The following AHNAK variants were observed in gnomAD, a reference collection of about 807,000 sequenced individuals.
AHNAK encodes AHNAK nucleoprotein, also known as neuroblast differentiation-associated protein AHNAK.
AHNAK carries 23 observed loss-of-function variants against 37.8 expected under a neutral mutation model. That is an observed-to-expected ratio of 0.61 (90% CI 0.44 to 0.86). The LOEUF is 0.86. Among genes scored for constraint, AHNAK ranks in the 40% least tolerant of loss-of-function variants. The pLI, the probability that AHNAK is intolerant of heterozygous loss-of-function variation, is 0.00. For missense variants in AHNAK, 7,411 were observed against 7,319.4 expected (o/e 1.01, Z -0.46); for synonymous variants, 2,481 against 2,636.3 (o/e 0.94, Z 1.80).
intron 1 of AHNAK, among the ~76,000 whole-genome samples, chr11:62,538,820 TA>T (rs1223624101): frequency 6.6e-6 from 1 of 152,230 alleles, no homozygotes; most frequent in Non-Finnish European, 1.5e-5. Context: ...GGGAGCCTTC[TA>T]GGGGAAATGA....
intron 4 of AHNAK, among the ~76,000 whole-genome samples, chr11:62,500,237 G>T (rs958566276): frequency 6.6e-6 from 1 of 152,112 alleles, no homozygotes; most frequent in Non-Finnish European, 1.5e-5. Flanking sequence ...CGTAGTAAAC[G>T]CAAAGGAATG....
At position 62,531,063 on chromosome 11, in the gene AHNAK, T is replaced by C. The variant is rs777121562; in HGVS notation, c.3354A>G (p.Gln1118=). The C allele has an allele frequency of 6.2e-7, 1 of 1,613,464 alleles. No individual in the cohort carries two copies. The highest frequency in any genetic ancestry group is 1.1e-5 in the South Asian group (1 of 91,042). ...VDIKAPDVEG[Q]GLDWSLKIPK... ...GTATTTTCAGGCTCCAGTCCAGGCCTTGGCCTTCCACATCTGGTGCTTTAA... is the reference window on the plus strand; with the variant it reads ...GTATTTTCAGGCTCCAGTCCAGGCCCTGGCCTTCCACATCTGGTGCTTTAA... The change falls in exon 5 of 5, where the codon CAA becomes CAG. Residue 1118 remains glutamine, a synonymous_variant. Coordinates refer to ENST00000378024, the MANE Select transcript of AHNAK (RefSeq NM_001620.3).
At position 62,516,577 on chromosome 11, in the gene AHNAK, A is replaced by T. The variant is rs1940024464; in HGVS notation, c.*167T>A. ...CTTTACCTATCTGTATAGTTCCAGGAGCCTACAGGCGGTCGGTTTTTCAGC... is the reference window on the plus strand; with the variant it reads ...CTTTACCTATCTGTATAGTTCCAGGTGCCTACAGGCGGTCGGTTTTTCAGC... On this transcript the variant is annotated 3_prime_UTR_variant, in exon 5 of 5. Coordinates refer to ENST00000378024, the MANE Select transcript of AHNAK (RefSeq NM_001620.3). The T allele has an allele frequency of 6.8e-7, 1 of 1,464,964 alleles. No individual in the cohort carries two copies. The highest frequency in any genetic ancestry group is 8.9e-7 in the Non-Finnish European group (1 of 1,119,408). 90.7% of individuals were successfully genotyped at this position (1,464,964 alleles called of 1,614,324 possible). A position where few individuals can be genotyped will look rare whatever the true frequency, so the allele number is the denominator to read the frequency against.
At chr11:62,504,708 G>C (rs1939777036) in intron 4 of AHNAK, among the ~76,000 whole-genome samples, 1 of 152,036 alleles carries the variant, frequency 6.6e-6, no homozygotes, top group South Asian at 2.1e-4. Flanking sequence ...CACCTGGCTG[G>C]GGCTGGGGAA....
chr11:62,439,124 C>T (rs1397382315), intron 5 of AHNAK, among the ~76,000 whole-genome samples: 1 of 127,438 alleles, frequency 7.8e-6, no homozygotes, highest in Non-Finnish European at 1.6e-5. Flanking sequence ...GATGGAGTCT[C>T]GCTCTGTCAC....
In AHNAK at chr11:62,529,535, C is replaced by T. The variant is rs766962118; in HGVS notation, c.4882G>A (p.Asp1628Asn). Residue 1628 changes from aspartate to asparagine, a missense_variant, in exon 5 of 5, where the codon GAT becomes AAT. By Grantham distance (23) the Asp-to-Asn change is conservative. Transcript: ENST00000378024. ...PKMDVNVGDI[D>N]IEGPEGKLKG... ...AACTTCCCTTCTGGACCTTCAATAT[C>T]AATATCACCAACATTCACATCCATC... The T allele has an allele frequency of 1.2e-6, 2 of 1,614,094 alleles. No homozygotes were observed. The highest frequency in any genetic ancestry group is 8.5e-7 in the Non-Finnish European group (1 of 1,180,020).
chr11:62,546,193 G>C (rs894494632), intron 1 of AHNAK: 3 of 154,264 alleles, frequency 1.9e-5, no homozygotes, highest in African/African-American at 7.2e-5. Flanking sequence ...GGACAGCCGA[G>C]GGGGCGCACG....
chr11:62,527,800 AC>A lies in AHNAK; in HGVS notation c.6616del (p.Val2206PhefsTer4). 3 of 1,613,204 alleles carry A rather than the reference AC, an allele frequency of 1.9e-6. No individual in the cohort carries two copies. The highest frequency in any genetic ancestry group is 2.5e-6 in the Non-Finnish European group (3 of 1,179,796). ...PKVKGDMDVS[V>X]PKVEGEMKVP... ...TTTCATTTCACCTTCTACCTTGGGA[AC>A]AGACACATCCATATCCCCTTTGACT... On this transcript the variant is annotated frameshift_variant, in exon 5 of 5. Transcript: ENST00000378024. LOFTEE classifies it low-confidence loss of function (END_TRUNC).
intron 5 of AHNAK, among the ~76,000 whole-genome samples, chr11:62,463,786 CAG>C (rs1938843651): frequency 6.6e-6 from 1 of 151,818 alleles, no homozygotes; most frequent in South Asian, 2.1e-4. Context: ...TTTTGGGAGA[CAG>C]AGTCTTGCTC....
At position 62,525,658 on chromosome 11, in the gene AHNAK, T is replaced by A. The variant is rs116713570; in HGVS notation, c.8759A>T (p.Lys2920Met). ...GGGGCCTGAGACATCAACGTCAGCC[T>A]TGGGCAGGTTCACATCCACTTCAGG... ...EGPEVDVNLPKADVDVSGPKV... is the reference protein window; with the variant it reads ...EGPEVDVNLPMADVDVSGPKV... Residue 2920 changes from lysine (K) to methionine (M), a missense_variant, in exon 5 of 5, where the codon AAG (lysine) becomes ATG (methionine). Transcript: ENST00000378024. 5.2e-4 allele frequency: 843 copies of A among 1,613,658 alleles called. 6 individuals are homozygous for A. The African/African-American group carries it at 9.4e-3, about 18-fold the overall frequency.
intron 4 of AHNAK, among the ~76,000 whole-genome samples, chr11:62,508,521 C>T (rs1338883790): frequency 2.0e-5 from 3 of 152,246 alleles, no homozygotes; most frequent in Admixed American, 2.0e-4. Flanking sequence ...AACCCTTTCC[C>T]ATCCTTGGCC....
In AHNAK at chr11:62,523,954, T is replaced by A. The variant is rs752677639; in HGVS notation, c.10463A>T (p.Lys3488Ile). 8 of 1,613,932 alleles carry A rather than the reference T, an allele frequency of 5.0e-6. No individual in the cohort carries two copies. The Admixed American group carries it at 1.0e-4, about 20-fold the overall frequency. Reference protein sequence around the residue: ...KMPKFSVSGLKAEGPDVAVDL... With the variant: ...KMPKFSVSGLIAEGPDVAVDL... ...CACAGCTACATCTGGCCCTTCTGCT[T>A]TTAAGCCAGACACACTGAATTTGGG... The change falls in exon 5 of 5, where the codon AAA (lysine) becomes ATA (isoleucine). Residue 3488 changes from lysine to isoleucine, a missense_variant. Lys to Ile is a moderately radical substitution (Grantham distance 102). Transcript: ENST00000378024.
intron 5 of AHNAK, among the ~76,000 whole-genome samples, chr11:62,473,978 T>C (rs1279814077): frequency 6.6e-6 from 1 of 151,348 alleles, no homozygotes; most frequent in African/African-American, 2.4e-5. Flanking sequence ...CCAGCCTGGA[T>C]GACAGAGTGA....
intron 5 of AHNAK, among the ~76,000 whole-genome samples, chr11:62,471,372 G>A (rs555679021): frequency 7.2e-5 from 11 of 152,166 alleles, no homozygotes; most frequent in East Asian, 1.9e-4. Flanking sequence ...ACGGAGTTTC[G>A]CCATGTTGGC....
downstream of AHNAK, among the ~76,000 whole-genome samples, chr11:62,513,716 C>T (rs1939957318): frequency 6.6e-6 from 1 of 152,120 alleles, no homozygotes. Context: ...CTGCGGGAAG[C>T]AGCGTTCATG....
rs763253490 is a variant in AHNAK at position 62,518,788 on chromosome 11, C to T, written c.15629G>A (p.Gly5210Asp). 3.1e-5 allele frequency: 50 copies of T among 1,614,112 alleles called. No individual in the cohort carries two copies. The highest frequency in any genetic ancestry group is 4.2e-5 in the Non-Finnish European group (49 of 1,180,052). ...TTCCAGTCCCACGCTGGGGACATCA[C>T]CCTTTATCTTTGGTCCTTTCAAGTT... ...NVNLKGPKIK[G>D]DVPSVGLEGP... is the part of the protein sequence containing the mutation. The change falls in exon 5 of 5, where the codon GGT (glycine) becomes GAT (aspartate). Residue 5210 changes from glycine to aspartate, a missense_variant. Physicochemically the swap from Gly to Asp is moderately conservative, Grantham distance 94. Transcript: ENST00000378024.
At chr11:62,508,652 T>C (rs915328355) in intron 4 of AHNAK, among the ~76,000 whole-genome samples, 1 of 152,264 alleles carries the variant, frequency 6.6e-6, no homozygotes, top group Admixed American at 6.5e-5. Flanking sequence ...ACATTTGCTG[T>C]GGCCCATGGC....
In AHNAK at chr11:62,496,057, A is replaced by G. The variant is rs187284566; in HGVS notation, c.343-4226T>C. On this transcript the variant is annotated intron_variant, in intron 4 of 5. Transcript: ENST00000257247. ...GAGCCAGATCCTGTCTCAAAAAAAA[A>G]AAAAGAAGAAAGAAAGAAATAACGT... Among the ~76,000 whole-genome samples, 70 of 152,186 alleles carry G rather than the reference A, an allele frequency of 4.6e-4. 1 individual carries two copies. The highest frequency in any genetic ancestry group is 6.8e-3 in the Middle Eastern group (2 of 294).
intron 1 of AHNAK, among the ~76,000 whole-genome samples, chr11:62,539,542 A>G (rs1277180693): frequency 6.6e-6 from 1 of 151,024 alleles, no homozygotes; most frequent in African/African-American, 2.4e-5. Context: ...CCTGGGCCAG[A>G]CCCCCAGGTG....
Sources: allele counts gnomAD v4.1 joint callset (sites outside exome capture counted in the v4.1 genomes callset), GRCh38; gene constraint gnomAD v4.1.1; transcripts MANE v1.5; gene names NCBI Gene and HGNC (gene_info 2026-07-23, HGNC 2026-07-21).